RPS25: variants seen among roughly 807,000 people sequenced by gnomAD.
RPS25 encodes the protein small ribosomal subunit protein eS25.
In RPS25, 1 loss-of-function variant was observed where a neutral mutation model predicts 14.4. The ratio of observed to expected loss-of-function variants is 0.07; its 90% CI spans 0.02 to 0.33. The LOEUF (loss-of-function observed/expected upper bound fraction) is 0.33, where lower values mean the gene tolerates loss of function less well. RPS25 is among the 10% of genes least tolerant of loss of function. The pLI is 1.00. For missense variants in RPS25, 65 were observed against 144.6 expected (o/e 0.45, Z 2.82); for synonymous variants, 63 against 53.8 (o/e 1.17, Z -0.75).
chr11:119,017,852 C>T, intron 2 of RPS25, 106 bp downstream of exon 2: 2 of 875,878 alleles, frequency 2.3e-6, no homozygotes, highest in South Asian at 1.5e-5. Context: ...CACATTTTGA[C>T]TCTAGAAATC....
chr11:119,018,183 A>T, intron 1 of RPS25, 99 bp downstream of exon 1: 1 of 1,594,336 alleles, frequency 6.3e-7, no homozygotes, highest in Non-Finnish European at 8.6e-7. Flanking sequence ...CCCGCCCTGC[A>T]ACCGAGGCCG....
rs934165969 is a variant in RPS25, at chr11:119,018,089, A to G, written c.4-36T>C. ...GCAGCGGGAATGCAACCAGGTCCTC[A>G]AATAGCGCCAAAGTCCCCTAATACT... On this transcript the variant is annotated intron_variant, in intron 1 of 4. Transcript: ENST00000527673. 5.0e-6 allele frequency: 8 copies of G among 1,598,144 alleles called. No homozygotes were observed. The African/African-American group carries it at 1.1e-4, about 21-fold the overall frequency.
rs1472220412 is a variant in RPS25 at position 119,017,817 on chromosome 11, G to A, written c.99+141C>T. 1.2e-5 allele frequency: 9 copies of A among 729,404 alleles called. No homozygotes were observed. The Admixed American group carries it at 2.0e-4, about 16-fold the overall frequency. The allele number at this position is 729,404 out of a possible 1,614,324, so 45.2% of individuals were successfully genotyped here. On this transcript the variant is annotated intron_variant, in intron 2 of 4. Transcript: ENST00000527673. ...TCATGATCCTAATGGGAAAAAGAAC[G>A]AGTGGTGACGGGAAGATAAACTCTC... is the stretch of plus-strand genomic sequence containing the variant.
rs1239518988 is a variant in RPS25 at position 119,017,558 on chromosome 11, A to G, written c.100-13T>C. On this transcript the variant is annotated splice_polypyrimidine_tract_variant and intron_variant, in intron 2 of 4. Transcript: ENST00000527673. ...CTTTGGACCACTTCTGCTCACCAAAACAAAACAGAAACAAGTTAGTATTTC... is the reference window on the plus strand; with the variant it reads ...CTTTGGACCACTTCTGCTCACCAAAGCAAAACAGAAACAAGTTAGTATTTC... 2 of 1,608,562 alleles carry G rather than the reference A, an allele frequency of 1.2e-6. No homozygotes were observed. Among genetic ancestry groups the G allele is most frequent in the Middle Eastern group, 3.3e-4 (2 of 6,056 alleles).
intron 1 of RPS25, 95 bp downstream of exon 1, chr11:119,018,187 G>A: frequency 2.5e-6 from 4 of 1,595,390 alleles, no homozygotes; most frequent in Non-Finnish European, 3.4e-6. Flanking sequence ...CCCTGCAACC[G>A]AGGCCGGCAG....
intron 3 of RPS25, 63 bp downstream of exon 3, chr11:119,017,299 G>A (rs1278350195): frequency 3.4e-5 from 42 of 1,226,854 alleles, no homozygotes; most frequent in Non-Finnish European, 4.5e-5. Flanking sequence ...AACCACTGAA[G>A]ATGCTTAACA....
intron 3 of RPS25, 116 bp downstream of exon 3, chr11:119,017,246 G>C (rs989306045): frequency 1.3e-6 from 1 of 751,288 alleles, no homozygotes; most frequent in Non-Finnish European, 2.1e-6. Context: ...AACAGCCAAT[G>C]GTCAAGCCAC....
In RPS25 at chr11:119,018,027, C is replaced by T. The variant is rs2134592594; in HGVS notation, c.30G>A (p.Lys10=). Reference sequence around the variant, plus strand: ...CTTTCTTGGCCGACTTTCCAGCGTCCTTCTTCTTCTTGTCGTCCTTAGGCG... The same window carrying T: ...CTTTCTTGGCCGACTTTCCAGCGTCTTTCTTCTTCTTGTCGTCCTTAGGCG... MPPKDDKKK[K]DAGKSAKKDK... is the part of the protein sequence containing the mutation. The change falls in exon 2 of 5, where the codon AAG becomes AAA. Residue 10 remains lysine, a synonymous_variant. Coordinates refer to ENST00000527673, the MANE Select transcript of RPS25 (RefSeq NM_001028.3). 6.2e-7 allele frequency: 1 copy of T among 1,611,924 alleles called. No homozygotes were observed. The highest frequency in any genetic ancestry group is 8.5e-7 in the Non-Finnish European group (1 of 1,179,698).
intron 3 of RPS25, among the ~76,000 whole-genome samples, chr11:119,016,776 G>A (rs1454998156): frequency 1.3e-5 from 2 of 151,958 alleles, no homozygotes; most frequent in Non-Finnish European, 2.9e-5. Context: ...GATTACAGAC[G>A]TGTGCCCCCA....
intron 2 of RPS25, 173 bp from the exon 3 acceptor site, chr11:119,017,718 G>A: frequency 2.8e-6 from 2 of 711,946 alleles, no homozygotes; most frequent in Non-Finnish European, 4.7e-6. Flanking sequence ...TCAAACAGGG[G>A]CCGAGCCCCA....
At position 119,018,342 on chromosome 11, in the gene RPS25, A is replaced by G; in HGVS notation, c.-58T>C. The G allele has an allele frequency of 6.2e-7, 1 of 1,613,270 alleles. No homozygotes were observed. Among genetic ancestry groups the G allele is most frequent in the Middle Eastern group, 1.7e-4 (1 of 6,060 alleles). On this transcript the variant is annotated 5_prime_UTR_variant, in exon 1 of 5. Coordinates refer to ENST00000527673, the MANE Select transcript of RPS25 (RefSeq NM_001028.3). ...AGCCTCGTCAAGATGTCGGACAAAA[A>G]GGAAGCGCTGCTCAGAAACGGGCCC...
At chr11:119,016,287 G>A (rs1484917666) in intron 3 of RPS25, among the ~76,000 whole-genome samples, 3 of 152,222 alleles carry the variant, frequency 2.0e-5, no homozygotes, top group South Asian at 4.2e-4. Flanking sequence ...CTCTAGTAAG[G>A]TTTGTTTTGG....
rs144776371 is a variant in RPS25 at position 119,015,775 on chromosome 11, A to T, written c.*5-17T>A. 6.8e-6 allele frequency: 9 copies of T among 1,330,518 alleles called. No homozygotes were observed. The highest frequency in any genetic ancestry group is 3.8e-4 in the Middle Eastern group (2 of 5,314). The allele number at this position is 1,330,518 out of a possible 1,614,324, so 82.4% of individuals were successfully genotyped here. A position where few individuals can be genotyped will look rare whatever the true frequency, so the allele number is the denominator to read the frequency against. On this transcript the variant is annotated splice_polypyrimidine_tract_variant and intron_variant, in intron 4 of 4. Coordinates refer to ENST00000527673, the MANE Select transcript of RPS25 (RefSeq NM_001028.3). The stretch of plus-strand genomic sequence containing the variant: ...TGGTTGGACCTGTAAAAAAAAATTA[A>T]AAGAATCAGAACCATAAAGCTTTGT...
chr11:119,018,105 CCCTAATACTGCGCCCT>C, intron 1 of RPS25, 52 bp from the exon 2 acceptor site: 1 of 1,581,364 alleles, frequency 6.3e-7, no homozygotes, highest in Non-Finnish European at 8.7e-7. Context: ...CGCCAAAGTC[CCCTAATACTGCGCCCT>C]CAGCCCCCGC....
intron 3 of RPS25, among the ~76,000 whole-genome samples, chr11:119,016,836 G>A (rs1473849735): frequency 1.3e-5 from 2 of 151,966 alleles, no homozygotes; most frequent in Non-Finnish European, 2.9e-5. Flanking sequence ...TGGCCAGGCT[G>A]GTCTTTAACT....
chr11:119,016,765 G>T (rs967822302), intron 3 of RPS25, among the ~76,000 whole-genome samples: 4 of 152,070 alleles, frequency 2.6e-5, no homozygotes, highest in African/African-American at 9.6e-5. Flanking sequence ...TGAGTAGCTG[G>T]GATTACAGAC....
In RPS25 at chr11:119,018,317, A is replaced by G. The variant is rs782413703; in HGVS notation, c.-33T>C. On this transcript the variant is annotated 5_prime_UTR_variant, in exon 1 of 5. Transcript: ENST00000527673. ...CTCGGAGAATAGCAGCAGACACCGC[A>G]GCCTCGTCAAGATGTCGGACAAAAA... 1.8e-5 allele frequency: 29 copies of G among 1,614,154 alleles called. No individual in the cohort carries two copies. The highest frequency in any genetic ancestry group is 2.4e-5 in the Non-Finnish European group (28 of 1,180,026).
chr11:119,018,148 G>A (rs1565677017), intron 1 of RPS25, 95 bp from the exon 2 acceptor site: 2 of 1,559,220 alleles, frequency 1.3e-6, no homozygotes, highest in Non-Finnish European at 1.8e-6. Context: ...CACCACCAGA[G>A]CACATGGGCC....
chr11:119,017,655 T>C, intron 2 of RPS25, 110 bp from the exon 3 acceptor site: 1 of 1,036,764 alleles, frequency 9.6e-7, no homozygotes. Flanking sequence ...CAAGGATAAA[T>C]TACACATTAC....
Sources: gnomAD v4.1 joint callset for allele counts (sites outside exome capture counted in the v4.1 genomes callset) on GRCh38, gnomAD v4.1.1 for gene constraint, MANE v1.5 for transcripts, NCBI Gene and HGNC (gene_info 2026-07-23, HGNC 2026-07-21) for gene names.